SLC2A9: variants seen among roughly 807,000 people sequenced by gnomAD.
SLC2A9 encodes solute carrier family 2, facilitated glucose transporter member 9.
SLC2A9 carries 39 observed loss-of-function variants against 50.6 expected under a neutral mutation model. That is an observed-to-expected ratio of 0.77 (90% CI 0.60 to 1.01). The LOEUF is 1.01. Among genes scored for constraint, SLC2A9 ranks in the 50% least tolerant of loss-of-function variants. The probability of loss-of-function intolerance (pLI) is 0.00; values close to 1 mark genes in which losing one functional copy is unlikely to be tolerated. For synonymous variants in SLC2A9, 324 were observed against 276.9 expected (o/e 1.17, Z -1.69); for missense variants, 686 against 677.6 (o/e 1.01, Z -0.14).
At chr4:9,774,696 TTC>T (rs970006039) in intron 1 of SLC2A9, among the ~76,000 whole-genome samples, 13 of 151,758 alleles carry the variant, frequency 8.6e-5, no homozygotes, top group Admixed American at 6.6e-4. Flanking sequence ...AGAAATCATT[TTC>T]TCTCTCTCTC....
chr4:10,030,781 G>C (rs1425763621), intron 1 of SLC2A9, among the ~76,000 whole-genome samples: 1 of 152,112 alleles, frequency 6.6e-6, no homozygotes, highest in Non-Finnish European at 1.5e-5. Flanking sequence ...GAAATGACAG[G>C]ATTCTTCTTA....
chr4:10,017,499 A>G lies in SLC2A9; in HGVS notation c.249+1476T>C, dbSNP rs562160702. 6.6e-5 allele frequency among the ~76,000 whole-genome samples: 10 copies of G among 152,382 alleles called. No individual in the cohort carries two copies. The South Asian group carries it at 1.7e-3, about 25-fold the overall frequency. ...GCCCCCTGGTTTTCAAACAGTTTTT[A>G]GCAACAGAAATGAACAATGTCAAAT... On this transcript the variant is annotated intron_variant, in intron 2 of 11. Transcript: ENST00000264784.
At chr4:9,812,554 A>T (rs763580640) in intron 3 of SLC2A9, among the ~76,000 whole-genome samples, 1 of 151,400 alleles carries the variant, frequency 6.6e-6, no homozygotes, top group Admixed American at 6.6e-5. Context: ...ACCTGCTCTC[A>T]TCACTAAAAA....
chr4:9,878,769 T>C (rs1734704505), intron 10 of SLC2A9, among the ~76,000 whole-genome samples: 1 of 152,082 alleles, frequency 6.6e-6, no homozygotes, highest in Non-Finnish European at 1.5e-5. Flanking sequence ...ACTCTGTTTT[T>C]GGTTGGTGTC....
At chr4:9,880,951 G>A (rs1352865261) in intron 10 of SLC2A9, among the ~76,000 whole-genome samples, 1 of 152,120 alleles carries the variant, frequency 6.6e-6, no homozygotes, top group Non-Finnish European at 1.5e-5. Flanking sequence ...CTCCCCAACA[G>A]ACCTCTAGTG....
intron 8 of SLC2A9, among the ~76,000 whole-genome samples, chr4:9,903,139 G>A (rs1042785401): frequency 1.3e-5 from 2 of 152,094 alleles, no homozygotes; most frequent in African/African-American, 4.8e-5. Context: ...ACCACGTTCT[G>A]CTCTCACACG....
intron 3 of SLC2A9, among the ~76,000 whole-genome samples, chr4:9,992,652 C>T (rs1757917602): frequency 6.6e-6 from 1 of 152,200 alleles, no homozygotes; most frequent in Non-Finnish European, 1.5e-5. Context: ...GATTGCCTGA[C>T]AATGGAGCCA....
intron 10 of SLC2A9, among the ~76,000 whole-genome samples, chr4:9,859,336 T>C (rs1731242768): frequency 6.6e-6 from 1 of 152,194 alleles, no homozygotes; most frequent in Non-Finnish European, 1.5e-5. Flanking sequence ...CAAACACATC[T>C]ACCATGTGCT....
chr4:9,785,058 G>A (rs1287409338), intron 3 of SLC2A9, among the ~76,000 whole-genome samples: 2 of 152,128 alleles, frequency 1.3e-5, no homozygotes, highest in African/African-American at 2.4e-5. Flanking sequence ...GGAATCTGAG[G>A]TCCGTGTTCA....
intron 5 of SLC2A9, among the ~76,000 whole-genome samples, chr4:9,950,642 G>A (rs4697914): frequency 0.45 from 59,445 of 132,952 alleles, 15,400 homozygotes; most frequent in African/African-American, 0.64. Flanking sequence ...CACTGTTCAT[G>A]GGAACGTAAA....
intron 7 of SLC2A9, among the ~76,000 whole-genome samples, chr4:9,911,977 C>T (rs62293331): frequency 0.018 from 2,803 of 152,246 alleles, 30 homozygotes; most frequent in Middle Eastern, 0.058. Context: ...ATAATGAGTT[C>T]ATGTCCTTTG....
At chr4:10,018,771 A>C (rs1266832513) in intron 2 of SLC2A9, among the ~76,000 whole-genome samples, 1 of 151,850 alleles carries the variant, frequency 6.6e-6, no homozygotes, top group African/African-American at 2.4e-5. Context: ...AGCCGCAAGA[A>C]CTGTCATCCC....
intron 5 of SLC2A9, among the ~76,000 whole-genome samples, chr4:9,942,744 C>T (rs1445931176): frequency 6.6e-6 from 1 of 152,234 alleles, no homozygotes; most frequent in African/African-American, 2.4e-5. Flanking sequence ...GCACACGTTA[C>T]GATGCCCATC....
intron 10 of SLC2A9, 120 bp downstream of exon 10, chr4:9,887,447 T>A: frequency 1.1e-6 from 1 of 925,062 alleles, no homozygotes; most frequent in Non-Finnish European, 1.6e-6. Context: ...CAGACACACA[T>A]CCCCAGTCAG....
At chr4:9,971,053 C>A (rs924579004) in intron 5 of SLC2A9, among the ~76,000 whole-genome samples, 2 of 152,128 alleles carry the variant, frequency 1.3e-5, no homozygotes, top group African/African-American at 4.8e-5. Flanking sequence ...GTGTTGTGAG[C>A]CCCTAAAAAG....
At chr4:9,856,833 G>A (rs56014085) in intron 10 of SLC2A9, among the ~76,000 whole-genome samples, 23,099 of 152,098 alleles carry the variant, frequency 0.15, 2,312 homozygotes, top group African/African-American at 0.28. Context: ...TGGAGCTGGA[G>A]GCCATTATCC....
chr4:9,982,852 G>A (rs1180149028), intron 4 of SLC2A9, among the ~76,000 whole-genome samples: 3 of 152,168 alleles, frequency 2.0e-5, no homozygotes, highest in African/African-American at 7.2e-5. Flanking sequence ...GTAGAACATC[G>A]TTTATTTTAT....
intron 10 of SLC2A9, among the ~76,000 whole-genome samples, chr4:9,865,502 A>C (rs543915900): frequency 1.3e-5 from 2 of 152,372 alleles, no homozygotes; most frequent in East Asian, 3.9e-4. Flanking sequence ...TACAGAGTAC[A>C]TTTAAATCTG....
chr4:10,022,388 G>T (rs1560505516), upstream of SLC2A9, among the ~76,000 whole-genome samples: 1 of 152,272 alleles, frequency 6.6e-6, no homozygotes, highest in Non-Finnish European at 1.5e-5. Flanking sequence ...TCGTTACTCT[G>T]TCCTGCTCAT....
Sources: gnomAD v4.1 joint callset for allele counts (sites outside exome capture counted in the v4.1 genomes callset) on GRCh38, gnomAD v4.1.1 for gene constraint, MANE v1.5 for transcripts, NCBI Gene and HGNC (gene_info 2026-07-23, HGNC 2026-07-21) for gene names.